AKAP13: variants seen among roughly 807,000 people sequenced by gnomAD.
AKAP13 encodes the protein A-kinase anchor protein 13.
In AKAP13, 80 loss-of-function variants were observed where a neutral mutation model predicts 264.5. The observed-to-expected ratio is 0.30, with a 90% CI of 0.25 to 0.36. The LOEUF is 0.36. AKAP13 is among the 10% of genes least tolerant of loss of function. The pLI is 1.00. For synonymous variants in AKAP13, 1,380 were observed against 1,250.2 expected (o/e 1.10, Z -2.19); for missense variants, 3,712 against 3,435.2 (o/e 1.08, Z -2.01).
At chr15:85,413,871 T>C (rs1414066474) in intron 1 of AKAP13, among the ~76,000 whole-genome samples, 1 of 152,208 alleles carries the variant, frequency 6.6e-6, no homozygotes, top group African/African-American at 2.4e-5. Flanking sequence ...TCTTGGTACA[T>C]GTATTTTGAA....
Position 85,655,464 on chromosome 15 carries a change from C to G in AKAP13, c.4422C>G (p.Ser1474=). The G allele has an allele frequency of 6.2e-7, 1 of 1,614,162 alleles. No homozygotes were observed. Among genetic ancestry groups the G allele is most frequent in the South Asian group, 1.1e-5 (1 of 91,086 alleles). ...GTGATATCACCGGATCCAGTTCATC[C>G]ACCGATGACACGGCTTCACTGGACC... The part of the protein sequence containing the change: ...LACDITGSSS[S]TDDTASLDRH... Residue 1474 remains serine (S), a synonymous_variant, in exon 11 of 37, where the codon TCC becomes TCG. Coordinates refer to ENST00000394518, the MANE Select transcript of AKAP13 (RefSeq NM_007200.5).
At chr15:85,453,534 G>T (rs1317888374) in intron 1 of AKAP13, among the ~76,000 whole-genome samples, 1 of 152,200 alleles carries the variant, frequency 6.6e-6, no homozygotes, top group East Asian at 1.9e-4. Context: ...CCTGTTGCTG[G>T]TCCAAAGGCA....
intron 11 of AKAP13, 113 bp from the exon 12 acceptor site, chr15:85,658,424 C>T: frequency 1.2e-6 from 1 of 822,298 alleles, no homozygotes; most frequent in South Asian, 1.9e-5. Context: ...CTTGCCTGTG[C>T]CATTTCTCTT....
At chr15:85,666,297 T>C (rs1023904274) in intron 13 of AKAP13, among the ~76,000 whole-genome samples, 1 of 152,232 alleles carries the variant, frequency 6.6e-6, no homozygotes, top group Non-Finnish European at 1.5e-5. Context: ...CATTTTTTCA[T>C]GTGTCTGTTG....
chr15:85,654,721 G>A (rs1436893798), intron 10 of AKAP13, among the ~76,000 whole-genome samples: 2 of 152,156 alleles, frequency 1.3e-5, no homozygotes, highest in African/African-American at 4.8e-5. Flanking sequence ...CCACTCGGGA[G>A]GCTGAGGTGG....
chr15:85,735,904 G>C (rs1176211100), intron 32 of AKAP13, among the ~76,000 whole-genome samples, 186 bp from the exon 33 acceptor site: 1 of 152,152 alleles, frequency 6.6e-6, no homozygotes. Flanking sequence ...TGTTTCAGGT[G>C]CTCCAAACCG....
chr15:85,427,523 A>G (rs766620309), intron 1 of AKAP13, among the ~76,000 whole-genome samples: 7 of 152,154 alleles, frequency 4.6e-5, no homozygotes, highest in African/African-American at 1.2e-4. Flanking sequence ...GTGTGTGCGC[A>G]CACACACGCT....
At position 85,741,161 on chromosome 15, in the gene AKAP13, G is replaced by T; in HGVS notation, c.7724G>T (p.Arg2575Leu). 6.2e-7 allele frequency: 1 copy of T among 1,612,958 alleles called. No homozygotes were observed. The highest frequency in any genetic ancestry group is 8.5e-7 in the Non-Finnish European group (1 of 1,179,514). The change falls in exon 35 of 37, where the codon CGC becomes CTC. Residue 2575 changes from arginine to leucine, a missense_variant. Physicochemically the swap from Arg to Leu is moderately radical, Grantham distance 102. Coordinates refer to ENST00000394518, the MANE Select transcript of AKAP13 (RefSeq NM_007200.5). Reference protein sequence around the residue: ...PSSLIEQEKQRSLEKQRQDLA... With the variant: ...PSSLIEQEKQLSLEKQRQDLA... ...TCCCTCATTGAGCAGGAGAAGCAGC[G>T]CAGCCTGGAGAAGCAGCGCCAGGAC...
intron 8 of AKAP13, among the ~76,000 whole-genome samples, chr15:85,610,414 G>A (rs1252768585): frequency 6.6e-6 from 1 of 152,150 alleles, no homozygotes; most frequent in African/African-American, 2.4e-5. Flanking sequence ...GTGTATTCAA[G>A]TGTTCTATTT....
intron 3 of AKAP13, among the ~76,000 whole-genome samples, chr15:85,528,507 T>C (rs1026633320): frequency 7.9e-5 from 12 of 152,206 alleles, no homozygotes; most frequent in African/African-American, 2.9e-4. Context: ...CCAGATACTT[T>C]GTGCACAGCT....
chr15:85,677,192 G>A, intron 14 of AKAP13: 1 of 936,368 alleles, frequency 1.1e-6, no homozygotes, highest in African/African-American at 1.8e-5. Flanking sequence ...TTGTATGGGG[G>A]CTTTTAGCCT....
At chr15:85,575,410 A>G (rs771318078) in intron 6 of AKAP13, 81 bp downstream of exon 6, 48 of 1,337,374 alleles carry the variant, frequency 3.6e-5, no homozygotes, top group Middle Eastern at 2.3e-4. Flanking sequence ...CCCTCCTCCA[A>G]TGAACCTTGA....
intron 8 of AKAP13, among the ~76,000 whole-genome samples, chr15:85,587,883 A>G (rs10152626): frequency 0.47 from 72,036 of 152,060 alleles, 17,804 homozygotes; most frequent in Middle Eastern, 0.62. Context: ...TCTTATTTCA[A>G]GTGATCCACC....
chr15:85,635,273 C>G (rs338505), intron 8 of AKAP13, among the ~76,000 whole-genome samples: 97,607 of 151,958 alleles, frequency 0.64, 31,558 homozygotes, highest in Middle Eastern at 0.73. Flanking sequence ...ATGTCTGCTG[C>G]TATGTCCTTG....
intron 14 of AKAP13, among the ~76,000 whole-genome samples, chr15:85,678,930 G>C (rs1188390345): frequency 1.3e-5 from 2 of 151,630 alleles, no homozygotes; most frequent in Non-Finnish European, 2.9e-5. Context: ...AAGTAGCCAG[G>C]TCAGCATGGC....
chr15:85,523,546 A>G (rs2076908575), intron 3 of AKAP13, among the ~76,000 whole-genome samples: 1 of 151,768 alleles, frequency 6.6e-6, no homozygotes, highest in South Asian at 2.1e-4. Flanking sequence ...ATGTTTCTCC[A>G]TTGCACTTTT....
intron 5 of AKAP13, among the ~76,000 whole-genome samples, chr15:85,564,966 G>A (rs1054838972): frequency 6.6e-6 from 1 of 152,120 alleles, no homozygotes; most frequent in Non-Finnish European, 1.5e-5. Context: ...TCCTGGAAGT[G>A]TGCTGGAAAC....
intron 1 of AKAP13, among the ~76,000 whole-genome samples, chr15:85,450,823 A>G (rs1442777048): frequency 6.6e-6 from 1 of 152,124 alleles, no homozygotes; most frequent in African/African-American, 2.4e-5. Context: ...AGAAGAATGT[A>G]TATTCTGTTG....
chr15:85,426,618 T>C (rs914664318), intron 1 of AKAP13, among the ~76,000 whole-genome samples: 1 of 152,212 alleles, frequency 6.6e-6, no homozygotes, highest in African/African-American at 2.4e-5. Flanking sequence ...TAGTTCTCAG[T>C]GTCATTCAGG....
Sources: allele counts gnomAD v4.1 joint callset (sites outside exome capture counted in the v4.1 genomes callset), GRCh38; gene constraint gnomAD v4.1.1; transcripts MANE v1.5; gene names NCBI Gene and HGNC (gene_info 2026-07-23, HGNC 2026-07-21).